The following ARHGAP24 variants were observed in gnomAD, a reference collection of about 807,000 sequenced individuals.
ARHGAP24 encodes the protein rho GTPase-activating protein 24.
ARHGAP24 carries 50 observed loss-of-function variants against 76.4 expected under a neutral mutation model. That is an observed-to-expected ratio of 0.65 (90% CI 0.52 to 0.83). ARHGAP24 has a LOEUF of 0.83. Among genes scored for constraint, ARHGAP24 ranks in the 40% least tolerant of loss-of-function variants. The pLI, the probability that ARHGAP24 is intolerant of heterozygous loss-of-function variation, is 0.00. For missense variants in ARHGAP24, 930 were observed against 914.2 expected (o/e 1.02, Z -0.22); for synonymous variants, 345 against 323.3 (o/e 1.07, Z -0.72).
At chr4:85,695,945 A>G (rs1578147615) in intron 2 of ARHGAP24, among the ~76,000 whole-genome samples, 1 of 152,266 alleles carries the variant, frequency 6.6e-6, no homozygotes, top group Non-Finnish European at 1.5e-5. Flanking sequence ...TATATTGACA[A>G]TGTTACAAAT....
At chr4:85,568,607 G>C (rs779214259) in intron 1 of ARHGAP24, among the ~76,000 whole-genome samples, 43 of 152,078 alleles carry the variant, frequency 2.8e-4, no homozygotes, top group African/African-American at 1.0e-3. Flanking sequence ...TGCTCTGCAG[G>C]GCATAGCAAA....
At chr4:85,702,356 A>G (rs574549346) in intron 2 of ARHGAP24, among the ~76,000 whole-genome samples, 1 of 152,320 alleles carries the variant, frequency 6.6e-6, no homozygotes, top group East Asian at 1.9e-4. Flanking sequence ...TACAGATGCA[A>G]CTTTCTTAAA....
chr4:85,791,512 T>C (rs565054523), intron 3 of ARHGAP24, among the ~76,000 whole-genome samples: 13 of 152,322 alleles, frequency 8.5e-5, no homozygotes, highest in South Asian at 2.1e-4. Context: ...TTATATCAAT[T>C]ATATCTCTCC....
At chr4:85,628,994 A>T (rs1280768065) in intron 2 of ARHGAP24, among the ~76,000 whole-genome samples, 1 of 152,172 alleles carries the variant, frequency 6.6e-6, no homozygotes, top group East Asian at 1.9e-4. Context: ...ATTTATTATT[A>T]ATAGGTAACT....
chr4:85,995,805 G>T (rs781101095), intron 9 of ARHGAP24, 148 bp downstream of exon 9: 4 of 792,264 alleles, frequency 5.0e-6, no homozygotes, highest in Non-Finnish European at 8.3e-6. Flanking sequence ...GTGACTGTGT[G>T]CAAGTTAGCT....
At chr4:85,887,363 C>T (rs1202795504) in intron 3 of ARHGAP24, among the ~76,000 whole-genome samples, 3 of 152,126 alleles carry the variant, frequency 2.0e-5, no homozygotes, top group African/African-American at 7.2e-5. Flanking sequence ...TAAAATATGT[C>T]TATTAAGAAT....
intron 3 of ARHGAP24, among the ~76,000 whole-genome samples, chr4:85,797,731 C>A (rs1713161170): frequency 6.6e-6 from 1 of 152,206 alleles, no homozygotes; most frequent in Admixed American, 6.5e-5. Flanking sequence ...AGTATGTTGA[C>A]TCTAATTAGC....
intron 2 of ARHGAP24, among the ~76,000 whole-genome samples, chr4:85,663,192 A>T (rs568844040): frequency 6.7e-6 from 1 of 149,694 alleles, no homozygotes; most frequent in Non-Finnish European, 1.5e-5. Context: ...CTTTTATTTC[A>T]TTGAGCAGTG....
Position 85,821,627 on chromosome 4 carries a change from C to T in ARHGAP24, c.268+99655C>T, listed in dbSNP as rs189310186. ...CTTGGACTCTTGGCCTCAAATGATC[C>T]TCCTGCCTCGTCCTCTTAAAATGAT... On this transcript the variant is annotated intron_variant, in intron 3 of 9. Transcript: ENST00000395184. Among the ~76,000 whole-genome samples the T allele has an allele frequency of 2.0e-5, 3 of 152,272 alleles. No homozygotes were observed. The East Asian group carries it at 5.8e-4, about 29-fold the overall frequency.
At chr4:85,508,700 C>A (rs917930595) in intron 1 of ARHGAP24, among the ~76,000 whole-genome samples, 1 of 152,218 alleles carries the variant, frequency 6.6e-6, no homozygotes, top group Non-Finnish European at 1.5e-5. Context: ...TATCACCTAT[C>A]TGCATATCTT....
At chr4:85,755,789 C>T (rs1197401193) in intron 3 of ARHGAP24, among the ~76,000 whole-genome samples, 1 of 151,808 alleles carries the variant, frequency 6.6e-6, no homozygotes, top group Non-Finnish European at 1.5e-5. Flanking sequence ...CCCGCCACTA[C>T]GTCTGGCTAA....
intron 2 of ARHGAP24, among the ~76,000 whole-genome samples, chr4:85,589,578 T>G (rs1728000922): frequency 6.6e-6 from 1 of 152,200 alleles, no homozygotes; most frequent in South Asian, 2.1e-4. Context: ...TACTAGGTAA[T>G]TAATGAGTCT....
intron 2 of ARHGAP24, among the ~76,000 whole-genome samples, chr4:85,680,200 A>G (rs566168660): frequency 6.6e-6 from 1 of 152,308 alleles, no homozygotes; most frequent in Non-Finnish European, 1.5e-5. Context: ...GCCTCTGTGT[A>G]AATAGTCCCA....
intron 2 of ARHGAP24, chr4:85,570,957 G>A (rs377206862): frequency 1.6e-5 from 7 of 432,282 alleles, no homozygotes; most frequent in East Asian, 1.3e-4. Context: ...TACTAAGCCA[G>A]AGGAGAAGGT....
intron 3 of ARHGAP24, among the ~76,000 whole-genome samples, chr4:85,822,860 G>A (rs866504447): frequency 3.3e-5 from 5 of 152,118 alleles, no homozygotes; most frequent in Non-Finnish European, 5.9e-5. Context: ...TTAAAAATCA[G>A]TGAAGTCCAA....
In ARHGAP24 at chr4:86,001,145, CT is replaced by C. The variant is rs35184936; in HGVS notation, c.*429del. 0.26 allele frequency: 101,609 copies of C among 387,264 alleles called. 14,775 individuals carry two copies. The highest frequency in any genetic ancestry group is 0.46 in the African/African-American group (22,029 of 48,304). The allele number at this position is 387,264 out of a possible 1,614,324, so 24.0% of individuals were successfully genotyped here. ...TTTATAGATCAATATTTTTATTTCC[CT>C]TTTTTGCTGAGGAAATGAAGATAAG... On this transcript the variant is annotated 3_prime_UTR_variant, in exon 10 of 10. Transcript: ENST00000395184.
At chr4:85,938,618 G>A (rs147959702) in intron 4 of ARHGAP24, among the ~76,000 whole-genome samples, 256 of 152,202 alleles carry the variant, frequency 1.7e-3, no homozygotes, top group African/African-American at 5.8e-3. Context: ...GGGAGTACAC[G>A]TCTATTAAAA....
intron 2 of ARHGAP24, among the ~76,000 whole-genome samples, chr4:85,683,341 C>T (rs753058470): frequency 6.6e-6 from 1 of 152,116 alleles, no homozygotes; most frequent in African/African-American, 2.4e-5. Flanking sequence ...TAAATTCTAT[C>T]CTAGCCCATG....
intron 2 of ARHGAP24, among the ~76,000 whole-genome samples, chr4:85,665,621 A>G (rs1722582567): frequency 6.6e-6 from 1 of 152,152 alleles, no homozygotes; most frequent in African/African-American, 2.4e-5. Flanking sequence ...GATGGTCTTT[A>G]CAATTTGGCT....
Sources: gnomAD v4.1 joint callset for allele counts (sites outside exome capture counted in the v4.1 genomes callset) on GRCh38, gnomAD v4.1.1 for gene constraint, MANE v1.5 for transcripts, NCBI Gene and HGNC (gene_info 2026-07-23, HGNC 2026-07-21) for gene names.